Variants in GMPR observed in about 807,000 individuals in gnomAD.
GMPR encodes the protein guanosine monophosphate reductase.
In GMPR, 31 loss-of-function variants were observed where a neutral mutation model predicts 38.4. The observed-to-expected ratio is 0.81, with a 90% CI of 0.61 to 1.09. GMPR has a LOEUF of 1.09. Ranked by LOEUF, GMPR falls within the 50% of genes least tolerant of loss-of-function variation. The pLI, the probability that GMPR is intolerant of heterozygous loss-of-function variation, is 0.00. For missense variants in GMPR, 468 were observed against 453.7 expected, an observed-to-expected ratio of 1.03 and a Z score of -0.29; for synonymous variants, 162 against 173.3, an observed-to-expected ratio of 0.93 and a Z score of 0.51.
chr6:16,242,332 C>CT lies in GMPR; in HGVS notation c.87+3569dup, dbSNP rs36064390. On this transcript the variant is annotated intron_variant, in intron 1 of 8. Coordinates refer to ENST00000259727, the MANE Select transcript of GMPR (RefSeq NM_006877.4). ...TTAGTCCAAGCTCTGTCACTAATTA[C>CT]TTTTTTTTTTTTTTTTTAACCTTTG... Among the ~76,000 whole-genome samples the CT allele has an allele frequency of 7.0e-3, 1,003 of 142,852 alleles. 14 individuals are homozygous for CT. The highest frequency in any genetic ancestry group is 0.023 in the African/African-American group (895 of 39,066). The allele number at this position is 142,852 out of a possible 152,430, so 93.7% of individuals were successfully genotyped here.
intron 4 of GMPR, among the ~76,000 whole-genome samples, chr6:16,260,141 TA>T (rs894405572): frequency 1.2e-4 from 19 of 152,044 alleles, no homozygotes; most frequent in African/African-American, 4.1e-4. Flanking sequence ...GGGAAAGTGG[TA>T]AAAGTATTGT....
At chr6:16,260,483 G>A (rs960824112) in intron 4 of GMPR, among the ~76,000 whole-genome samples, 23 of 151,966 alleles carry the variant, frequency 1.5e-4, no homozygotes, top group Non-Finnish European at 2.6e-4. Flanking sequence ...ATCTGACTCG[G>A]GGCATGTCGA....
At chr6:16,263,876 G>A (rs1759138146) in intron 4 of GMPR, among the ~76,000 whole-genome samples, 1 of 151,832 alleles carries the variant, frequency 6.6e-6, no homozygotes, top group Admixed American at 6.6e-5. Flanking sequence ...AGATATAAGA[G>A]GTTGGGGTAC....
intron 8 of GMPR, among the ~76,000 whole-genome samples, chr6:16,294,446 C>T (rs776595384): frequency 9.2e-5 from 14 of 152,216 alleles, no homozygotes; most frequent in South Asian, 4.1e-4. Flanking sequence ...ATGTCCTCCT[C>T]GTCCTGGTCG....
chr6:16,263,587 T>TGGGATGCAGAGATAAGAGGTC (rs1461609076), intron 4 of GMPR, among the ~76,000 whole-genome samples: 2 of 150,596 alleles, frequency 1.3e-5, no homozygotes, highest in Non-Finnish European at 2.9e-5. Context: ...AATAAGGGGT[T>TGGGATGCAGAGATAAGAGGTC]GGGATGCAGA....
intron 7 of GMPR, among the ~76,000 whole-genome samples, chr6:16,289,117 T>G (rs929510418): frequency 1.3e-5 from 2 of 152,260 alleles, no homozygotes; most frequent in African/African-American, 4.8e-5. Context: ...CTGCTCGGTC[T>G]TTAGGCCCAC....
At chr6:16,255,638 G>C (rs1180878402) in intron 4 of GMPR, among the ~76,000 whole-genome samples, 1 of 152,148 alleles carries the variant, frequency 6.6e-6, no homozygotes, top group Admixed American at 6.5e-5. Context: ...GCAGAAAAAG[G>C]GACTTAGCAG....
chr6:16,289,118 T>C (rs1226014392), intron 7 of GMPR, among the ~76,000 whole-genome samples: 1 of 152,224 alleles, frequency 6.6e-6, no homozygotes, highest in Non-Finnish European at 1.5e-5. Context: ...TGCTCGGTCT[T>C]TAGGCCCACA....
At chr6:16,286,456 G>A (rs1350265373) in intron 7 of GMPR, among the ~76,000 whole-genome samples, 2 of 152,030 alleles carry the variant, frequency 1.3e-5, no homozygotes, top group African/African-American at 4.8e-5. Flanking sequence ...CTGGCCGCGT[G>A]GCTGTGGGCT....
intron 4 of GMPR, among the ~76,000 whole-genome samples, chr6:16,270,693 C>T (rs576055985): frequency 1.4e-4 from 22 of 152,304 alleles, no homozygotes; most frequent in African/African-American, 5.3e-4. Flanking sequence ...GAAACTCCCC[C>T]GTCCTCCTGG....
intron 4 of GMPR, among the ~76,000 whole-genome samples, chr6:16,261,907 G>A (rs919552451): frequency 5.3e-5 from 8 of 151,956 alleles, no homozygotes; most frequent in African/African-American, 1.4e-4. Context: ...GCAATGAGAT[G>A]TAGCTGTAAT....
chr6:16,285,651 G>A lies in GMPR; in HGVS notation c.655-142G>A, dbSNP rs191110449. 3.5e-4 allele frequency: 240 copies of A among 693,160 alleles called. 1 individual carries two copies. The East Asian group carries it at 6.0e-3, about 17-fold the overall frequency. 42.9% of individuals were successfully genotyped at this position (693,160 alleles called of 1,614,324 possible). On this transcript the variant is annotated intron_variant, in intron 6 of 8. Coordinates refer to ENST00000259727, the MANE Select transcript of GMPR (RefSeq NM_006877.4). ...TACACTCGATCAGACAACAACAGCCGTGGTAGGGGAACTTGGGCCCGTGGG... is the reference window on the plus strand; with the variant it reads ...TACACTCGATCAGACAACAACAGCCATGGTAGGGGAACTTGGGCCCGTGGG...
chr6:16,251,074 G>GA (rs1378973825), intron 3 of GMPR, among the ~76,000 whole-genome samples: 2 of 152,120 alleles, frequency 1.3e-5, no homozygotes, highest in Non-Finnish European at 2.9e-5. Context: ...CATTTCCACA[G>GA]AAAAACTTGT....
At position 16,250,267 on chromosome 6, in the gene GMPR, G is replaced by A. The variant is rs779821919; in HGVS notation, c.208-17G>A. 1.4e-6 allele frequency: 2 copies of A among 1,454,900 alleles called. No homozygotes were observed. Among genetic ancestry groups the A allele is most frequent in the Non-Finnish European group, 1.9e-6 (2 of 1,034,456 alleles). 90.1% of individuals were successfully genotyped at this position (1,454,900 alleles called of 1,614,324 possible). On this transcript the variant is annotated splice_polypyrimidine_tract_variant and intron_variant, in intron 2 of 8. Transcript: ENST00000259727. ...TCACTTGGCTTCCCATCCTAATGGT[G>A]CTGTTTTGTTTTCTAGCACTCCATG...
At chr6:16,256,849 G>C (rs1333328165) in intron 4 of GMPR, among the ~76,000 whole-genome samples, 2 of 152,202 alleles carry the variant, frequency 1.3e-5, no homozygotes, top group Non-Finnish European at 2.9e-5. Context: ...AATTTCCAGA[G>C]TGATGACAGC....
intron 7 of GMPR, chr6:16,289,568 G>A (rs527958714): frequency 6.6e-6 from 1 of 152,266 alleles, no homozygotes; most frequent in South Asian, 2.1e-4. Context: ...GCTGTCATTC[G>A]GTGATTAGTC....
intron 6 of GMPR, among the ~76,000 whole-genome samples, chr6:16,283,956 G>A (rs1759624105): frequency 6.6e-6 from 1 of 152,186 alleles, no homozygotes; most frequent in Non-Finnish European, 1.5e-5. Context: ...ACCTTTGAAA[G>A]GTAAAATAAA....
chr6:16,286,388 T>G (rs1450406243), intron 7 of GMPR, among the ~76,000 whole-genome samples: 2 of 151,816 alleles, frequency 1.3e-5, no homozygotes, highest in Non-Finnish European at 2.9e-5. Context: ...AGCAGTAAAG[T>G]ACGGCTGCCG....
At chr6:16,292,659 GT>G (rs1334628890) in intron 8 of GMPR, among the ~76,000 whole-genome samples, 1 of 152,202 alleles carries the variant, frequency 6.6e-6, no homozygotes, top group African/African-American at 2.4e-5. Context: ...TGTGTCCTCT[GT>G]GCCAGAATGT....
Sources: allele counts gnomAD v4.1 joint callset (sites outside exome capture counted in the v4.1 genomes callset), GRCh38; gene constraint gnomAD v4.1.1; transcripts MANE v1.5; gene names NCBI Gene and HGNC (gene_info 2026-07-23, HGNC 2026-07-21).